The following EML4 variants were observed in gnomAD, a reference collection of about 807,000 sequenced individuals.
The protein encoded by EML4 is echinoderm microtubule-associated protein-like 4.
A neutral mutation model predicts 129.0 loss-of-function variants in EML4; 72 were observed. The ratio of observed to expected loss-of-function variants is 0.56; its 90% CI spans 0.46 to 0.68. EML4 has a LOEUF of 0.68. Ranked by LOEUF, EML4 falls within the 30% of genes least tolerant of loss-of-function variation. The probability of loss-of-function intolerance (pLI) is 0.00; values close to 1 mark genes in which losing one functional copy is unlikely to be tolerated. For synonymous variants in EML4, 532 were observed against 405.0 expected (o/e 1.31, Z -3.77); for missense variants, 1,363 against 1,190.6 (o/e 1.14, Z -2.13).
chr2:42,288,144 A>G, intron 10 of EML4, 83 bp from the exon 11 acceptor site: 1 of 589,290 alleles, frequency 1.7e-6, no homozygotes, highest in Non-Finnish European at 3.0e-6. Context: ...TACTATTTGC[A>G]GTTTTAATAA....
intron 6 of EML4, among the ~76,000 whole-genome samples, chr2:42,266,349 A>T (rs1373505706): frequency 6.6e-6 from 1 of 152,196 alleles, no homozygotes; most frequent in African/African-American, 2.4e-5. Context: ...AATACATTAT[A>T]TATCAAAACT....
At chr2:42,307,470 G>T (rs1668674096) in intron 17 of EML4, among the ~76,000 whole-genome samples, 1 of 152,130 alleles carries the variant, frequency 6.6e-6, no homozygotes, top group African/African-American at 2.4e-5. Flanking sequence ...TTTGGTTTCA[G>T]ATCTGGTTAG....
intron 19 of EML4, among the ~76,000 whole-genome samples, chr2:42,321,398 G>A (rs976758056): frequency 6.6e-6 from 1 of 151,860 alleles, no homozygotes; most frequent in Non-Finnish European, 1.5e-5. Flanking sequence ...TAAAAAAAAA[G>A]TAGTACCTAT....
chr2:42,324,418 C>T (rs374758966), intron 19 of EML4, among the ~76,000 whole-genome samples: 1 of 152,182 alleles, frequency 6.6e-6, no homozygotes, highest in Non-Finnish European at 1.5e-5. Context: ...GAGTTCAAGA[C>T]CAGCCTCGGC....
chr2:42,282,539 A>C (rs1192010048), intron 7 of EML4, among the ~76,000 whole-genome samples: 3 of 151,984 alleles, frequency 2.0e-5, no homozygotes, highest in Non-Finnish European at 4.4e-5. Context: ...AACTACAGGC[A>C]CAGGCCACCA....
chr2:42,312,557 A>AT (rs35842539), intron 17 of EML4, among the ~76,000 whole-genome samples: 48 of 147,764 alleles, frequency 3.2e-4, no homozygotes, highest in South Asian at 8.6e-4. Context: ...GCCAATCAGA[A>AT]TTTTTTTTTT....
rs927701809 is a variant in EML4, at chr2:42,245,315, C to G, written c.26-190C>G. On this transcript the variant is annotated intron_variant, in intron 1 of 22. Transcript: ENST00000318522. Reference sequence around the variant, plus strand: ...TTCACCATGTTGGCCATGCTGGTCTCCAACTCCTGACCTCAGGTGATCTGC... The same window carrying G: ...TTCACCATGTTGGCCATGCTGGTCTGCAACTCCTGACCTCAGGTGATCTGC... Among the ~76,000 whole-genome samples the G allele has an allele frequency of 4.6e-5, 7 of 151,514 alleles. No individual in the cohort carries two copies. In the East Asian group the frequency reaches 1.4e-3, roughly 29 times the overall value.
In EML4 at chr2:42,328,999, C is replaced by T. The variant is rs1669958381; in HGVS notation, c.2455C>T (p.Pro819Ser). Residue 819 changes from proline to serine, a missense_variant, in exon 22 of 23, where the codon CCC (proline) becomes TCC (serine). Coordinates refer to ENST00000318522, the MANE Select transcript of EML4 (RefSeq NM_019063.5). ...DFCKVHLFQY[P>S]CSKAKAPSHK... Reference sequence around the variant, plus strand: ...TTGTAAAGTCCATCTGTTTCAGTATCCCTGCTCCAAAGCAAAGGTAAACTC... The same window carrying T: ...TTGTAAAGTCCATCTGTTTCAGTATTCCTGCTCCAAAGCAAAGGTAAACTC... 2.5e-6 allele frequency: 4 copies of T among 1,612,324 alleles called. No homozygotes were observed. Among genetic ancestry groups the T allele is most frequent in the Non-Finnish European group, 3.4e-6 (4 of 1,179,666 alleles).
chr2:42,325,144 G>C (rs56315033), intron 19 of EML4: 75,522 of 514,120 alleles, frequency 0.15, 7,502 homozygotes, highest in African/African-American at 0.32. Flanking sequence ...GGGGACACCA[G>C]TGACGTGAAA....
chr2:42,273,746 A>C (rs1666502214), intron 6 of EML4, among the ~76,000 whole-genome samples: 1 of 152,190 alleles, frequency 6.6e-6, no homozygotes, highest in Non-Finnish European at 1.5e-5. Flanking sequence ...ACTGGAACTA[A>C]AAATTTTTTA....
intron 3 of EML4, 35 bp from the exon 4 acceptor site, chr2:42,261,086 A>C (rs771369772): frequency 1.4e-6 from 2 of 1,471,424 alleles, no homozygotes; most frequent in Non-Finnish European, 1.9e-6. Context: ...ATTTGTTTAA[A>C]TGTGTATTGT....
At chr2:42,308,666 A>G (rs1241259682) in intron 17 of EML4, among the ~76,000 whole-genome samples, 1 of 152,168 alleles carries the variant, frequency 6.6e-6, no homozygotes, top group East Asian at 1.9e-4. Context: ...TTATGCAGCT[A>G]TCCTCACAGT....
chr2:42,173,006 C>G (rs951618416), intron 1 of EML4, among the ~76,000 whole-genome samples: 1 of 152,152 alleles, frequency 6.6e-6, no homozygotes, highest in Non-Finnish European at 1.5e-5. Context: ...AACAACAAAA[C>G]TTAAAATCTT....
intron 6 of EML4, among the ~76,000 whole-genome samples, chr2:42,268,648 G>C (rs1452896799): frequency 6.6e-6 from 1 of 151,988 alleles, no homozygotes; most frequent in Non-Finnish European, 1.5e-5. Context: ...GTGTTTCCCA[G>C]GCGTGTCTCA....
chr2:42,279,833 A>G (rs1355865831), intron 6 of EML4, among the ~76,000 whole-genome samples: 2 of 151,732 alleles, frequency 1.3e-5, no homozygotes, highest in African/African-American at 2.4e-5. Context: ...ATAAGGTAAT[A>G]TTTCATTGTG....
intron 2 of EML4, among the ~76,000 whole-genome samples, chr2:42,246,985 C>G (rs891916634): frequency 1.3e-5 from 2 of 152,284 alleles, no homozygotes; most frequent in Middle Eastern, 3.4e-3. Flanking sequence ...TTGAGAGCAA[C>G]AAATATAGCC....
At chr2:42,267,564 T>C (rs553090334) in intron 6 of EML4, among the ~76,000 whole-genome samples, 1 of 152,294 alleles carries the variant, frequency 6.6e-6, no homozygotes, top group South Asian at 2.1e-4. Context: ...AGAGAATACT[T>C]TACCTGAAAG....
At chr2:42,285,059 T>C (rs925907448) in intron 9 of EML4, among the ~76,000 whole-genome samples, 2 of 130,158 alleles carry the variant, frequency 1.5e-5, no homozygotes, top group African/African-American at 6.2e-5. Flanking sequence ...TTGATTCTTA[T>C]TTACTTTCTT....
chr2:42,323,951 A>G (rs528848526), intron 19 of EML4, among the ~76,000 whole-genome samples: 1 of 151,156 alleles, frequency 6.6e-6, no homozygotes, highest in South Asian at 2.1e-4. Context: ...CTCAATTAAA[A>G]AAAAAAGAAA....
Sources: gnomAD v4.1 joint callset for allele counts (sites outside exome capture counted in the v4.1 genomes callset) on GRCh38, gnomAD v4.1.1 for gene constraint, MANE v1.5 for transcripts, NCBI Gene and HGNC (gene_info 2026-07-23, HGNC 2026-07-21) for gene names.